Variants in TBC1D14 observed in about 807,000 individuals in gnomAD.
TBC1D14 encodes TBC1 domain family, member 14.
In TBC1D14, 26 loss-of-function variants were observed where a neutral mutation model predicts 79.0. The observed-to-expected ratio is 0.33, with a 90% CI of 0.24 to 0.46. The LOEUF (loss-of-function observed/expected upper bound fraction) is 0.46, where lower values mean the gene tolerates loss of function less well. Ranked by LOEUF, TBC1D14 falls within the 20% of genes least tolerant of loss-of-function variation. TBC1D14 has a pLI of 1.00. For synonymous variants in TBC1D14, 394 were observed against 349.9 expected, an observed-to-expected ratio of 1.13 and a Z score of -1.40; for missense variants, 769 against 887.6, an observed-to-expected ratio of 0.87 and a Z score of 1.70.
At chr4:7,027,948 T>A (rs1284042606) in intron 13 of TBC1D14, among the ~76,000 whole-genome samples, 1 of 112,140 alleles carries the variant, frequency 8.9e-6, no homozygotes, top group Non-Finnish European at 1.8e-5. Flanking sequence ...CACGCACAGA[T>A]CACCCCCCAC....
rs140590690 is a variant in TBC1D14 at position 6,916,671 on chromosome 4, T to C, written c.-17-6702T>C. Among the ~76,000 whole-genome samples the C allele has an allele frequency of 1.8e-3, 272 of 152,310 alleles. 2 individuals are homozygous for C. The highest frequency in any genetic ancestry group is 6.2e-3 in the African/African-American group (258 of 41,560). ...ATCCCTCGGGGGCAGCTGTCCTCTT[T>C]GCTTCCTGCAGAACTGAGTCTTGTG... is the stretch of plus-strand genomic sequence containing the variant. On this transcript the variant is annotated intron_variant, in intron 1 of 13. Coordinates refer to ENST00000409757, the MANE Select transcript of TBC1D14 (RefSeq NM_020773.3).
intron 3 of TBC1D14, among the ~76,000 whole-genome samples, chr4:6,969,897 G>A (rs1233490971): frequency 2.6e-5 from 4 of 152,096 alleles, no homozygotes; most frequent in Admixed American, 6.5e-5. Context: ...AATCCTGCCC[G>A]GGACCTGCTT....
chr4:6,930,636 A>G (rs1711634972), intron 2 of TBC1D14, among the ~76,000 whole-genome samples: 1 of 152,024 alleles, frequency 6.6e-6, no homozygotes, highest in Non-Finnish European at 1.5e-5. Context: ...CATCTTTACT[A>G]AAAATACAAA....
intron 7 of TBC1D14, among the ~76,000 whole-genome samples, chr4:7,004,165 A>G (rs995829517): frequency 2.0e-5 from 3 of 152,222 alleles, no homozygotes; most frequent in African/African-American, 7.2e-5. Flanking sequence ...TGTGTATGCT[A>G]GTGAAGTCGT....
At chr4:6,938,398 G>A (rs1457522598) in intron 2 of TBC1D14, among the ~76,000 whole-genome samples, 1 of 152,152 alleles carries the variant, frequency 6.6e-6, no homozygotes, top group African/African-American at 2.4e-5. Flanking sequence ...ATGCCAAGAG[G>A]AAACATCTGG....
chr4:6,967,148 C>A (rs559950840), intron 2 of TBC1D14, among the ~76,000 whole-genome samples, 156 bp from the exon 3 acceptor site: 5 of 152,250 alleles, frequency 3.3e-5, no homozygotes, highest in African/African-American at 1.2e-4. Flanking sequence ...TTTCTCCTGC[C>A]GCGTAATTCT....
intron 2 of TBC1D14, among the ~76,000 whole-genome samples, chr4:6,953,814 C>T (rs1714343301): frequency 6.6e-6 from 1 of 152,178 alleles, no homozygotes; most frequent in Non-Finnish European, 1.5e-5. Context: ...CAACGGCAGA[C>T]CTGGCCGCTG....
At chr4:6,938,368 G>T (rs1712552792) in intron 2 of TBC1D14, among the ~76,000 whole-genome samples, 1 of 152,182 alleles carries the variant, frequency 6.6e-6, no homozygotes, top group South Asian at 2.1e-4. Flanking sequence ...GCCAGGCCAG[G>T]ATAGCAAGGG....
At chr4:7,003,893 A>C (rs1487298769) in intron 7 of TBC1D14, among the ~76,000 whole-genome samples, 2 of 151,794 alleles carry the variant, frequency 1.3e-5, no homozygotes, top group Non-Finnish European at 2.9e-5. Flanking sequence ...AATCCCACCT[A>C]TTCAGGAGGC....
Position 6,999,092 on chromosome 4 carries a change from A to G in TBC1D14, c.1053A>G (p.Lys351=), listed in dbSNP as rs1719388439. Residue 351 remains lysine (K), a synonymous_variant, in exon 6 of 14, where the codon AAA becomes AAG. Coordinates refer to ENST00000409757, the MANE Select transcript of TBC1D14 (RefSeq NM_020773.3). ...CTAAATTGTGATTTCTAGAGCTGAA[A>G]GAAGCCCAGCGAAGGAAGAAGCAGC... ...MVVQAKKREL[K]EAQRRKKQLE... is the part of the protein sequence containing the mutation. The G allele has an allele frequency of 1.9e-6, 3 of 1,614,146 alleles. No homozygotes were observed. The highest frequency in any genetic ancestry group is 2.7e-5 in the African/African-American group (2 of 75,070).
intron 2 of TBC1D14, among the ~76,000 whole-genome samples, chr4:6,943,789 C>T (rs912110943): frequency 2.6e-5 from 4 of 152,262 alleles, no homozygotes; most frequent in South Asian, 4.1e-4. Flanking sequence ...TTTTCCGAGC[C>T]GGTGCAGGTG....
chr4:6,998,804 G>A lies in TBC1D14; in HGVS notation c.1046-281G>A. 1.1e-5 allele frequency: 3 copies of A among 284,646 alleles called. No individual in the cohort carries two copies. In the South Asian group the frequency reaches 1.1e-4, roughly 10 times the overall value. The allele number at this position is 284,646 out of a possible 1,614,324, so 17.6% of individuals were successfully genotyped here. A position where few individuals can be genotyped will look rare whatever the true frequency, so the allele number is the denominator to read the frequency against. On this transcript the variant is annotated intron_variant, in intron 5 of 13. Transcript: ENST00000409757. The stretch of plus-strand genomic sequence containing the variant: ...TCCACCCGCCTTGGCTTCCCAAAGT[G>A]CTGGGATTACAGGCGTGAGCCACCG...
intron 2 of TBC1D14, among the ~76,000 whole-genome samples, chr4:6,959,033 G>A (rs1714934314): frequency 6.6e-6 from 1 of 152,142 alleles, no homozygotes; most frequent in Admixed American, 6.6e-5. Flanking sequence ...ACAGGCGCCT[G>A]CCACTACGCC....
intron 3 of TBC1D14, among the ~76,000 whole-genome samples, chr4:6,969,804 C>A (rs1253130326): frequency 1.3e-5 from 2 of 151,902 alleles, no homozygotes; most frequent in East Asian, 3.9e-4. Flanking sequence ...GTTCATTATG[C>A]GGTAACACAA....
chr4:7,004,265 C>T (rs1285161990), intron 7 of TBC1D14, among the ~76,000 whole-genome samples: 1 of 152,272 alleles, frequency 6.6e-6, no homozygotes, highest in Non-Finnish European at 1.5e-5. Context: ...TGATCCTTCT[C>T]TGCCAGCAAG....
chr4:6,977,901 T>C (rs1716920238), intron 3 of TBC1D14, among the ~76,000 whole-genome samples: 1 of 148,706 alleles, frequency 6.7e-6, no homozygotes, highest in South Asian at 2.1e-4. Context: ...CCGCCCCGTC[T>C]GGGATGTGAG....
chr4:6,955,244 A>T (rs1272520159), intron 2 of TBC1D14, among the ~76,000 whole-genome samples: 1 of 152,124 alleles, frequency 6.6e-6, no homozygotes, highest in African/African-American at 2.4e-5. Flanking sequence ...GGGGGTGGAG[A>T]TCTGGAAAGT....
At chr4:7,029,670 C>G (rs536516347) in intron 13 of TBC1D14, among the ~76,000 whole-genome samples, 33 of 152,124 alleles carry the variant, frequency 2.2e-4, no homozygotes, top group Non-Finnish European at 4.1e-4. Flanking sequence ...ACTAAAAATA[C>G]AAAAATTAGC....
intron 5 of TBC1D14, among the ~76,000 whole-genome samples, chr4:6,998,559 G>C (rs1372571923): frequency 6.6e-6 from 1 of 150,718 alleles, no homozygotes; most frequent in Middle Eastern, 3.4e-3. Context: ...TTTTTTTTGA[G>C]GTGTAGTCTC....
Sources: gnomAD v4.1 joint callset for allele counts (sites outside exome capture counted in the v4.1 genomes callset) on GRCh38, gnomAD v4.1.1 for gene constraint, MANE v1.5 for transcripts, NCBI Gene and HGNC (gene_info 2026-07-23, HGNC 2026-07-21) for gene names.